PRAG1: variants seen among roughly 807,000 people sequenced by gnomAD.
The protein encoded by PRAG1 is PEAK1 related, kinase-activating pseudokinase 1.
A neutral mutation model predicts 95.6 loss-of-function variants in PRAG1; 110 were observed. The ratio of observed to expected loss-of-function variants is 1.15; its 90% confidence interval spans 0.99 to 1.35. PRAG1 has a LOEUF of 1.35. Among genes scored for constraint, PRAG1 ranks in the 40% most tolerant of loss-of-function variants. The pLI is 0.00. For missense variants in PRAG1, 2,554 were observed against 1,864.7 expected (o/e 1.37, Z -6.81); for synonymous variants, 1,052 against 819.4 (o/e 1.28, Z -4.85).
At chr8:8,346,359 G>A (rs1433139651) in intron 3 of PRAG1, among the ~76,000 whole-genome samples, 1 of 152,230 alleles carries the variant, frequency 6.6e-6, no homozygotes, top group Non-Finnish European at 1.5e-5. Flanking sequence ...AAGACATCTT[G>A]TGCTTAACCT....
intron 3 of PRAG1, among the ~76,000 whole-genome samples, chr8:8,370,642 C>T (rs941627764): frequency 3.9e-5 from 6 of 152,156 alleles, no homozygotes; most frequent in Non-Finnish European, 5.9e-5. Flanking sequence ...TAATCAGATT[C>T]GATGTGGACA....
chr8:8,377,485 G>C lies in PRAG1; in HGVS notation c.924C>G (p.Pro308=). ...AEQEKRGPSF[P]KECCSQGPTA... The stretch of plus-strand genomic sequence containing the variant: ...TGGGGCCCTGGCTACAGCACTCCTT[G>C]GGGAAGCTCGGGCCCCGCTTCTCCT... The change falls in exon 3 of 6, where the codon CCC becomes CCG. Residue 308 remains proline, a synonymous_variant. Coordinates refer to ENST00000615670, the MANE Select transcript of PRAG1 (RefSeq NM_001080826.3). 2 of 1,551,302 alleles carry C rather than the reference G, an allele frequency of 1.3e-6. No homozygotes were observed. The highest frequency in any genetic ancestry group is 1.7e-6 in the Non-Finnish European group (2 of 1,149,546).
rs113837273 is a variant in PRAG1 at position 8,366,612 on chromosome 8, C to G, written c.2162+9635G>C. ...TACAGATGTAAGCCACTGAGCCCAG[C>G]TGGGAACTCTTAAACTCTTGAATTA... is the stretch of plus-strand genomic sequence containing the variant. On this transcript the variant is annotated intron_variant, in intron 3 of 5. Transcript: ENST00000615670. Among the ~76,000 whole-genome samples the G allele has an allele frequency of 2.3e-3, 356 of 152,122 alleles. 2 individuals are homozygous for G. Among genetic ancestry groups the G allele is most frequent in the African/African-American group, 7.8e-3 (324 of 41,524 alleles).
rs976691282 is a variant in PRAG1, at chr8:8,337,356, T to C, written c.2320+2122A>G. On this transcript the variant is annotated intron_variant, in intron 4 of 5. Coordinates refer to ENST00000615670, the MANE Select transcript of PRAG1 (RefSeq NM_001080826.3). ...TGGAAGATAATTGTGCAATAACAAA[T>C]CTAAGCTGCCTTGGTAAGCGGTGAG... is the stretch of plus-strand genomic sequence containing the variant. Among the ~76,000 whole-genome samples the C allele has an allele frequency of 2.0e-5, 3 of 152,218 alleles. No homozygotes were observed. In the South Asian group the frequency reaches 6.2e-4, roughly 32 times the overall value.
intron 2 of PRAG1, among the ~76,000 whole-genome samples, 197 bp from the exon 3 acceptor site, chr8:8,378,275 C>G (rs373915709): frequency 1.3e-5 from 2 of 152,286 alleles, no homozygotes; most frequent in African/African-American, 4.8e-5. Context: ...CTGGGGCACC[C>G]GCTGAGCCAT....
chr8:8,321,538 C>G (rs1352239954), intron 5 of PRAG1, among the ~76,000 whole-genome samples: 1 of 152,160 alleles, frequency 6.6e-6, no homozygotes, highest in Non-Finnish European at 1.5e-5. Flanking sequence ...TATTGTCTCA[C>G]CCCTAACAGA....
At chr8:8,368,464 C>G (rs533435733) in intron 3 of PRAG1, among the ~76,000 whole-genome samples, 2 of 152,320 alleles carry the variant, frequency 1.3e-5, no homozygotes, top group African/African-American at 4.8e-5. Flanking sequence ...GATGCAGACT[C>G]TGATCTTTAA....
At position 8,332,219 on chromosome 8, in the gene PRAG1, T is replaced by C. The variant is rs1009846463; in HGVS notation, c.2321-3758A>G. The stretch of plus-strand genomic sequence containing the variant: ...TCTTGTTGCCCAGGCTGGAGTGTAA[T>C]GGTGGGATCTCGGCTCACTGCAAAC... On this transcript the variant is annotated intron_variant, in intron 4 of 5. Transcript: ENST00000615670. Among the ~76,000 whole-genome samples, 5 of 151,428 alleles carry C rather than the reference T, an allele frequency of 3.3e-5. No individual in the cohort carries two copies. The East Asian group carries it at 9.7e-4, about 29-fold the overall frequency.
chr8:8,377,784 G>T lies in PRAG1; in HGVS notation c.625C>A (p.Gln209Lys). ...GTCCCAGCAAAGGCAGCCAGTTTCT[G>T]GCGGAAGCTCTCCTGGGTGGAGGGC... ...DRPSTQESFR[Q>K]KLAAFAGTTS... Residue 209 changes from glutamine (Q) to lysine (K), a missense_variant, in exon 3 of 6, where the codon CAG (glutamine) becomes AAG (lysine). Physicochemically the swap from Gln to Lys is moderately conservative, Grantham distance 53. Transcript: ENST00000615670. 2 of 1,614,188 alleles carry T rather than the reference G, an allele frequency of 1.2e-6. No homozygotes were observed. Among genetic ancestry groups the T allele is most frequent in the Non-Finnish European group, 8.5e-7 (1 of 1,180,046 alleles).
intron 5 of PRAG1, among the ~76,000 whole-genome samples, chr8:8,322,835 C>G (rs2117102153): frequency 6.6e-6 from 1 of 152,230 alleles, no homozygotes; most frequent in South Asian, 2.1e-4. Context: ...CTCCCCCGGC[C>G]CCCTCAACTT....
rs1007660444 is a variant in PRAG1 at position 8,318,484 on chromosome 8, T to C, written c.3891A>G (p.Ser1297=). ...GATGTGCCAGCTGCTGCAGGCCGGG[T>C]GAGTAGAGGGACAGCGCGGGCAGCG... The part of the protein sequence containing the change: ...LPPLPALSLY[S]PGLQQLAHLL... The change falls in exon 6 of 6, where the codon TCA becomes TCG. Residue 1297 remains serine, a synonymous_variant. Transcript: ENST00000615670. This position sits in a 1 kb window ranked among gnomAD's most constrained non-coding sequence, Gnocchi z 4.2. 1 of 1,611,702 alleles carries C rather than the reference T, an allele frequency of 6.2e-7. No homozygotes were observed.
chr8:8,330,905 C>G (rs928841623), intron 4 of PRAG1, among the ~76,000 whole-genome samples: 1 of 152,184 alleles, frequency 6.6e-6, no homozygotes, highest in Non-Finnish European at 1.5e-5. Context: ...TTATGAGGCT[C>G]TCAAAGGACT....
At chr8:8,364,620 C>T (rs1449930761) in intron 3 of PRAG1, among the ~76,000 whole-genome samples, 1 of 150,712 alleles carries the variant, frequency 6.6e-6, no homozygotes, top group Non-Finnish European at 1.5e-5. Context: ...ATCTGCAGTC[C>T]ACTTTTACAT....
At chr8:8,353,849 G>T (rs910431187) in intron 3 of PRAG1, among the ~76,000 whole-genome samples, 1 of 151,914 alleles carries the variant, frequency 6.6e-6, no homozygotes, top group Non-Finnish European at 1.5e-5. Context: ...AGAAGATAAA[G>T]AAGTAGTAGT....
chr8:8,318,118 G>C lies in PRAG1; in HGVS notation c.*36C>G. 6.4e-7 allele frequency: 1 copy of C among 1,574,164 alleles called. No individual in the cohort carries two copies. The highest frequency in any genetic ancestry group is 8.6e-7 in the Non-Finnish European group (1 of 1,159,804). ...AGGCGAGACAGGAAAGGGTTAGGCA[G>C]GGAAGGGGCAGCGACGGTGCAGGCT... On this transcript the variant is annotated 3_prime_UTR_variant, in exon 6 of 6. Coordinates refer to ENST00000615670, the MANE Select transcript of PRAG1 (RefSeq NM_001080826.3). This position sits in a 1 kb window ranked among gnomAD's most constrained non-coding sequence, Gnocchi z 4.2.
rs561015205 is a variant in PRAG1, at chr8:8,356,366, G to C, written c.2163-16731C>G. ...TATAGAGGTTTTTGTTTTGTTTTGA[G>C]ACAGGGTCTCACTCTGTCACCTAGG... On this transcript the variant is annotated intron_variant, in intron 3 of 5. Transcript: ENST00000615670. 3.6e-4 allele frequency among the ~76,000 whole-genome samples: 55 copies of C among 152,174 alleles called. 1 individual carries two copies. The highest frequency in any genetic ancestry group is 6.2e-4 in the Non-Finnish European group (42 of 68,036).
intron 4 of PRAG1, among the ~76,000 whole-genome samples, chr8:8,337,474 GAGAGAGAGAGAGAA>G (rs1016897005): frequency 2.2e-4 from 33 of 151,578 alleles, no homozygotes; most frequent in African/African-American, 7.8e-4. Flanking sequence ...AAAAAGAAGA[GAGAGAGAGAGAGAA>G]AGAGAGAGAG....
At chr8:8,349,625 T>A (rs550575159) in intron 3 of PRAG1, among the ~76,000 whole-genome samples, 1 of 152,166 alleles carries the variant, frequency 6.6e-6, no homozygotes, top group Admixed American at 6.5e-5. Flanking sequence ...ATGAAGATGC[T>A]AAGGGAGCTA....
intron 3 of PRAG1, among the ~76,000 whole-genome samples, chr8:8,370,888 C>T (rs10481460): frequency 0.32 from 48,234 of 152,000 alleles, 8,178 homozygotes; most frequent in East Asian, 0.62. Flanking sequence ...GTAGCTCACA[C>T]CTGTAATCCC....
Sources: gnomAD v4.1 joint callset for allele counts (sites outside exome capture counted in the v4.1 genomes callset) on GRCh38, gnomAD v4.1.1 for gene constraint, Gnocchi (gnomAD v3.1) non-coding constraint, MANE v1.5 for transcripts, NCBI Gene and HGNC (gene_info 2026-07-23, HGNC 2026-07-21) for gene names.